The following TBC1D1 variants were observed in gnomAD, a reference collection of about 807,000 sequenced individuals.
TBC1D1 encodes TBC1 (tre-2/USP6, BUB2, cdc16) domain family, member 1.
Under a neutral mutation model 125.6 loss-of-function variants are expected in TBC1D1, and 89 were observed. That is an observed-to-expected ratio of 0.71 (90% CI 0.60 to 0.85). The LOEUF (loss-of-function observed/expected upper bound fraction) is 0.85, where lower values mean the gene tolerates loss of function less well. TBC1D1 is among the 40% of genes least tolerant of loss of function. TBC1D1 has a pLI of 0.00. For missense variants in TBC1D1, 1,377 were observed against 1,469.2 expected (o/e 0.94, Z 1.03); for synonymous variants, 565 against 564.1 (o/e 1.00, Z -0.02).
At chr4:37,920,637 G>T (rs1720748581) in intron 2 of TBC1D1, among the ~76,000 whole-genome samples, 1 of 152,186 alleles carries the variant, frequency 6.6e-6, no homozygotes, top group South Asian at 2.1e-4. Context: ...GAGCCATGCA[G>T]GTGGAGCATA....
At chr4:37,904,152 A>G (rs1018922380) in intron 2 of TBC1D1, among the ~76,000 whole-genome samples, 9 of 152,226 alleles carry the variant, frequency 5.9e-5, no homozygotes, top group African/African-American at 2.2e-4. Flanking sequence ...AGACTAAATG[A>G]GGTAGCACTC....
chr4:37,947,850 G>A (rs1727025882), intron 2 of TBC1D1, among the ~76,000 whole-genome samples: 1 of 151,694 alleles, frequency 6.6e-6, no homozygotes, highest in South Asian at 2.1e-4. Context: ...TCACAGACAT[G>A]TTCATATGTC....
intron 12 of TBC1D1, among the ~76,000 whole-genome samples, chr4:38,068,151 T>C (rs1171397174): frequency 8.5e-5 from 13 of 152,138 alleles, no homozygotes; most frequent in African/African-American, 2.9e-4. Context: ...ACAGGAGATA[T>C]CAAGGAGGAA....
chr4:38,002,331 A>AAT, intron 2 of TBC1D1, among the ~76,000 whole-genome samples: 1 of 152,342 alleles, frequency 6.6e-6, no homozygotes, highest in East Asian at 1.9e-4. Context: ...AGCCAGACAC[A>AAT]AAGTCTTCAG....
intron 6 of TBC1D1, 32 bp downstream of exon 6, chr4:38,021,750 A>G (rs1408359336): frequency 6.7e-7 from 1 of 1,493,570 alleles, no homozygotes; most frequent in Non-Finnish European, 8.9e-7. Context: ...GCATGAACAC[A>G]GTGGGAGTTA....
chr4:37,960,744 G>A (rs991676584), intron 2 of TBC1D1: 15 of 1,614,032 alleles, frequency 9.3e-6, no homozygotes, highest in Middle Eastern at 1.6e-4. Context: ...AAAAAGTTCT[G>A]TTCCTGCCTC....
chr4:38,055,268 C>T (rs759892543), intron 12 of TBC1D1, among the ~76,000 whole-genome samples: 1 of 152,142 alleles, frequency 6.6e-6, no homozygotes, highest in Admixed American at 6.5e-5. Context: ...TCATGTCTGA[C>T]GAGCTACCCG....
At chr4:37,974,220 C>T (rs1732596808) in intron 2 of TBC1D1, among the ~76,000 whole-genome samples, 1 of 152,096 alleles carries the variant, frequency 6.6e-6, no homozygotes, top group African/African-American at 2.4e-5. Flanking sequence ...CAAGGGTGGC[C>T]TCTGTTGGAA....
intron 2 of TBC1D1, among the ~76,000 whole-genome samples, chr4:37,994,286 CTTTG>C (rs1737281640): frequency 6.6e-6 from 1 of 152,274 alleles, no homozygotes; most frequent in East Asian, 1.9e-4. Context: ...ATCTTTCTTA[CTTTG>C]TTTTTTTGTT....
At position 38,049,775 on chromosome 4, in the gene TBC1D1, C is replaced by T. The variant is rs749595142; in HGVS notation, c.1787C>T (p.Thr596Ile). The T allele has an allele frequency of 1.9e-6, 3 of 1,614,066 alleles. No individual in the cohort carries two copies. The highest frequency in any genetic ancestry group is 4.5e-5 in the East Asian group (2 of 44,886). ...CAGGCCTTCAGGAGGCGAGCAAACA[C>T]CCTGAGTCACTTCCCCATCGAATGC... Residue 596 changes from threonine to isoleucine, a missense_variant, in exon 11 of 20, where the codon ACC becomes ATC. By Grantham distance (89) the Thr-to-Ile change is moderately conservative. Around this residue, in one of 3 missense-constraint regions of TBC1D1, gnomAD observed 822 missense variants for 824.6 expected, o/e 1.00. Coordinates refer to ENST00000261439, the MANE Select transcript of TBC1D1 (RefSeq NM_015173.4).
intron 11 of TBC1D1, 134 bp downstream of exon 12, chr4:38,052,194 T>TGTGTGCGC (rs755025486): frequency 5.0e-4 from 289 of 581,362 alleles, no homozygotes; most frequent in Middle Eastern, 9.4e-4. Flanking sequence ...TGTGTGTGTG[T>TGTGTGCGC]GCGCGCGCGT....
chr4:38,026,469 C>G, intron 6 of TBC1D1, among the ~76,000 whole-genome samples: 1 of 152,240 alleles, frequency 6.6e-6, no homozygotes, highest in East Asian at 1.9e-4. Context: ...AAGTCCCTGG[C>G]TCAGCAGATT....
Position 37,995,541 on chromosome 4 carries a change from C to T in TBC1D1, c.418-18968C>T. 2.7e-6 allele frequency: 1 copy of T among 365,836 alleles called. No homozygotes were observed. The highest frequency in any genetic ancestry group is 2.2e-5 in the South Asian group (1 of 45,600). The allele number at this position is 365,836 out of a possible 1,614,324, so 22.7% of individuals were successfully genotyped here. On this transcript the variant is annotated intron_variant, in intron 2 of 19. Coordinates refer to ENST00000261439, the MANE Select transcript of TBC1D1 (RefSeq NM_015173.4). This position sits in a 1 kb window ranked among gnomAD's most constrained non-coding sequence, Gnocchi z 4.3. ...TCACCTTTTGGGTTGCGGTTTTCTC[C>T]AGGTTGGTGCTGATGATATGATAAA... is the stretch of plus-strand genomic sequence containing the variant.
chr4:37,952,313 G>C, intron 2 of TBC1D1: 1 of 516,454 alleles, frequency 1.9e-6, no homozygotes, highest in South Asian at 2.2e-5. Flanking sequence ...TTGGGGAAAG[G>C]GCTGATAATC....
At chr4:37,999,584 T>C (rs1051434527) in intron 2 of TBC1D1, among the ~76,000 whole-genome samples, 1 of 151,594 alleles carries the variant, frequency 6.6e-6, no homozygotes, top group South Asian at 2.1e-4. Flanking sequence ...CCAGGTGCCC[T>C]CAGGACCTGG....
intron 2 of TBC1D1, among the ~76,000 whole-genome samples, chr4:37,966,772 C>A (rs1401046915): frequency 6.6e-6 from 1 of 152,154 alleles, no homozygotes; most frequent in Non-Finnish European, 1.5e-5. Flanking sequence ...CAGCCCCCTA[C>A]CCCCCAACAG....
At chr4:38,107,214 C>G (rs1001311368) in intron 15 of TBC1D1, among the ~76,000 whole-genome samples, 2 of 152,194 alleles carry the variant, frequency 1.3e-5, no homozygotes, top group African/African-American at 2.4e-5. Context: ...GGCCTAGACC[C>G]GGCAGTGGAG....
chr4:37,927,014 G>A (rs528628978), intron 2 of TBC1D1, among the ~76,000 whole-genome samples: 5 of 152,236 alleles, frequency 3.3e-5, no homozygotes, highest in South Asian at 2.1e-4. Flanking sequence ...TGTAATTCTC[G>A]TGGCTGAGAC....
At chr4:37,991,906 G>A (rs1315506546) in intron 2 of TBC1D1, among the ~76,000 whole-genome samples, 1 of 152,186 alleles carries the variant, frequency 6.6e-6, no homozygotes, top group African/African-American at 2.4e-5. Context: ...AATATTCCAG[G>A]TGGAAGAAAC....
Sources: allele counts gnomAD v4.1 joint callset (sites outside exome capture counted in the v4.1 genomes callset), GRCh38; gene constraint gnomAD v4.1.1; regional missense constraint gnomAD v4.1.1; non-coding constraint Gnocchi (gnomAD v3.1); transcripts MANE v1.5; gene names NCBI Gene and HGNC (gene_info 2026-07-23, HGNC 2026-07-21).